DNAJC15: variants seen among roughly 807,000 people sequenced by gnomAD.
The protein encoded by DNAJC15 is DnaJ heat shock protein family (Hsp40) member C15.
A neutral mutation model predicts 22.4 loss-of-function variants in DNAJC15; 27 were observed. The observed-to-expected ratio is 1.20, with a 90% CI of 0.89 to 1.66. DNAJC15 has a LOEUF of 1.66. Ranked by LOEUF, DNAJC15 falls within the 40% of genes most tolerant of loss-of-function variation. The probability of loss-of-function intolerance (pLI) is 0.00; values close to 1 mark genes in which losing one functional copy is unlikely to be tolerated. For missense variants in DNAJC15, 208 were observed against 187.1 expected (o/e 1.11, Z -0.65); for synonymous variants, 79 against 63.2 (o/e 1.25, Z -1.19).
chr13:43,105,775 C>CT (rs547777308), intron 5 of DNAJC15, among the ~76,000 whole-genome samples: 61 of 152,264 alleles, frequency 4.0e-4, no homozygotes, highest in African/African-American at 1.3e-3. Context: ...CCTGATAACT[C>CT]TAAGAATTTA....
intron 5 of DNAJC15, among the ~76,000 whole-genome samples, chr13:43,100,691 G>C (rs2040764357): frequency 6.6e-6 from 1 of 152,154 alleles, no homozygotes; most frequent in African/African-American, 2.4e-5. Flanking sequence ...CCTATTATAT[G>C]CTCTGTCCTG....
intron 5 of DNAJC15, among the ~76,000 whole-genome samples, chr13:43,098,031 C>CAAAAA (rs2040749544): frequency 2.0e-5 from 3 of 151,772 alleles, no homozygotes; most frequent in African/African-American, 7.3e-5. Context: ...AAGATCACTC[C>CAAAAA]TGGGTTTTTG....
intron 4 of DNAJC15, among the ~76,000 whole-genome samples, chr13:43,083,050 T>C (rs572093298): frequency 2.6e-5 from 4 of 152,264 alleles, no homozygotes; most frequent in African/African-American, 9.6e-5. Flanking sequence ...TCCTTTATAA[T>C]ATTAGTATTT....
chr13:43,055,769 T>A (rs1445584979), intron 1 of DNAJC15, among the ~76,000 whole-genome samples: 1 of 152,176 alleles, frequency 6.6e-6, no homozygotes, highest in Non-Finnish European at 1.5e-5. Flanking sequence ...TCTTGCTGGG[T>A]TTGGGTTTGG....
At chr13:43,042,470 A>G (rs953146149) in intron 1 of DNAJC15, among the ~76,000 whole-genome samples, 1 of 152,174 alleles carries the variant, frequency 6.6e-6, no homozygotes, top group African/African-American at 2.4e-5. Context: ...ACATCTTTAC[A>G]TGAAGGGTGG....
At position 43,108,708 on chromosome 13, in the gene DNAJC15, C is replaced by T. The variant is rs1017721619; in HGVS notation, c.*1460C>T. The T allele has an allele frequency of 6.6e-6, 1 of 152,082 alleles. No individual in the cohort carries two copies. The highest frequency in any genetic ancestry group is 2.4e-5 in the African/African-American group (1 of 41,422). 9.4% of individuals were successfully genotyped at this position (152,082 alleles called of 1,614,324 possible). On this transcript the variant is annotated 3_prime_UTR_variant, in exon 6 of 6. Coordinates refer to ENST00000379221, the MANE Select transcript of DNAJC15 (RefSeq NM_013238.3). ...GACCTGTTATCTACTAAAGACTAGT[C>T]GTTTCTCATCAGTTGTGACAACAAA...
intron 1 of DNAJC15, among the ~76,000 whole-genome samples, chr13:43,041,747 G>A (rs2153439852): frequency 6.6e-6 from 1 of 152,330 alleles, no homozygotes; most frequent in South Asian, 2.1e-4. Flanking sequence ...TCAGCCAGCT[G>A]GCCAGCTGTC....
rs1349307066 is a variant in DNAJC15 at position 43,112,381 on chromosome 13, T to C, written c.*5133T>C. 1 of 152,202 alleles carries C rather than the reference T, an allele frequency of 6.6e-6. No individual in the cohort carries two copies. The highest frequency in any genetic ancestry group is 1.5e-5 in the Non-Finnish European group (1 of 68,036). The allele number at this position is 152,202 out of a possible 1,614,324, so 9.4% of individuals were successfully genotyped here. ...CAATCTTCAGCATTAAGAGGGAGCT[T>C]AATTTCACACGGGTGGAATATGATC... On this transcript the variant is annotated 3_prime_UTR_variant, in exon 6 of 6. Transcript: ENST00000379221.
chr13:43,035,136 T>TG (rs2040423613), intron 1 of DNAJC15, among the ~76,000 whole-genome samples: 1 of 152,328 alleles, frequency 6.6e-6, no homozygotes, highest in South Asian at 2.1e-4. Flanking sequence ...AATTTTTCCC[T>TG]GAAGCTTCAG....
chr13:43,078,355 T>C (rs1047195914), intron 3 of DNAJC15, among the ~76,000 whole-genome samples: 1 of 152,230 alleles, frequency 6.6e-6, no homozygotes, highest in Non-Finnish European at 1.5e-5. Context: ...TCTACCAGTC[T>C]GTTTTGTTCT....
chr13:43,039,257 T>C (rs1272451881), intron 1 of DNAJC15, among the ~76,000 whole-genome samples: 1 of 152,230 alleles, frequency 6.6e-6, no homozygotes, highest in Non-Finnish European at 1.5e-5. Context: ...CTCTGTCATT[T>C]TTTTCAACTC....
At chr13:43,088,486 T>C (rs2040699592) in intron 5 of DNAJC15, among the ~76,000 whole-genome samples, 1 of 152,162 alleles carries the variant, frequency 6.6e-6, no homozygotes, top group Non-Finnish European at 1.5e-5. Flanking sequence ...TAGAAAGTTC[T>C]TTCTTGCATT....
intron 1 of DNAJC15, among the ~76,000 whole-genome samples, chr13:43,037,929 C>CT (rs1346359952): frequency 6.6e-6 from 1 of 152,102 alleles, no homozygotes; most frequent in Non-Finnish European, 1.5e-5. Flanking sequence ...TGAAAATATT[C>CT]TTTTTTATAG....
chr13:43,057,377 A>T (rs2040536781), intron 1 of DNAJC15, among the ~76,000 whole-genome samples: 1 of 151,334 alleles, frequency 6.6e-6, no homozygotes, highest in African/African-American at 2.4e-5. Flanking sequence ...TCTTTTTTCT[A>T]CTTGTTCGAT....
At chr13:43,105,114 A>G (rs906985611) in intron 5 of DNAJC15, among the ~76,000 whole-genome samples, 9 of 151,786 alleles carry the variant, frequency 5.9e-5, no homozygotes, top group Admixed American at 5.9e-4. Flanking sequence ...TATTGTTGGA[A>G]GATCTGAAGG....
At chr13:43,094,805 C>T (rs2153441994) in intron 5 of DNAJC15, among the ~76,000 whole-genome samples, 1 of 152,316 alleles carries the variant, frequency 6.6e-6, no homozygotes, top group African/African-American at 2.4e-5. Flanking sequence ...CTGCCCCCAG[C>T]AGCAGCCTTC....
At chr13:43,036,989 G>C (rs1413197935) in intron 1 of DNAJC15, among the ~76,000 whole-genome samples, 1 of 152,186 alleles carries the variant, frequency 6.6e-6, no homozygotes, top group Admixed American at 6.5e-5. Context: ...TGAGAGTGCG[G>C]TTGGGCGGCT....
At chr13:43,086,385 G>A (rs1014490422) in intron 5 of DNAJC15, among the ~76,000 whole-genome samples, 4 of 151,942 alleles carry the variant, frequency 2.6e-5, no homozygotes, top group African/African-American at 9.7e-5. Context: ...GCTTGAGAGG[G>A]AAAGCCCATA....
At chr13:43,078,519 T>C (rs2153441339) in intron 3 of DNAJC15, 93 bp from the exon 4 acceptor site, 1 of 912,094 alleles carries the variant, frequency 1.1e-6, no homozygotes, top group Middle Eastern at 2.3e-4. Context: ...TCTAGTAAAA[T>C]GCATTACTCT....
Sources: gnomAD v4.1 joint callset for allele counts (sites outside exome capture counted in the v4.1 genomes callset) on GRCh38, gnomAD v4.1.1 for gene constraint, MANE v1.5 for transcripts, NCBI Gene and HGNC (gene_info 2026-07-23, HGNC 2026-07-21) for gene names.